TRPM3: variants seen among roughly 807,000 people sequenced by gnomAD.
TRPM3 encodes the protein transient receptor potential cation channel subfamily M member 3.
TRPM3 carries 77 observed loss-of-function variants against 181.2 expected under a neutral mutation model. The ratio of observed to expected loss-of-function variants is 0.42; its 90% CI spans 0.35 to 0.51. The LOEUF (loss-of-function observed/expected upper bound fraction) is 0.51, where lower values mean the gene tolerates loss of function less well. Among genes scored for constraint, TRPM3 ranks in the 20% least tolerant of loss-of-function variants. The pLI is 0.01. For missense variants in TRPM3, 1,759 were observed against 2,196.7 expected (o/e 0.80, Z 3.98); for synonymous variants, 745 against 796.4 (o/e 0.94, Z 1.09).
chr9:70,555,379 G>A (rs10511984), intron 22 of TRPM3, among the ~76,000 whole-genome samples: 39,102 of 152,022 alleles, frequency 0.26, 5,370 homozygotes, highest in Middle Eastern at 0.32. Context: ...CAGTTTATTC[G>A]TCTGTATTCC....
At position 70,621,287 on chromosome 9, in the gene TRPM3, C is replaced by T. The variant is rs779293618; in HGVS notation, c.1810-14G>A. The stretch of plus-strand genomic sequence containing the variant: ...CAAGGCTTTGGGCTGTTAAAAAAAA[C>T]GTTGTGAACAAAGTTAGATCAGTTA... On this transcript the variant is annotated splice_polypyrimidine_tract_variant and intron_variant, in intron 14 of 25. Coordinates refer to ENST00000677713, the MANE Select transcript of TRPM3 (RefSeq NM_001366145.2). The T allele has an allele frequency of 1.2e-5, 19 of 1,595,170 alleles. No homozygotes were observed. The highest frequency in any genetic ancestry group is 1.7e-4 in the Middle Eastern group (1 of 6,032).
At chr9:70,608,684 A>AAATT (rs140408462) in intron 19 of TRPM3, among the ~76,000 whole-genome samples, 99 of 152,120 alleles carry the variant, frequency 6.5e-4, no homozygotes, top group African/African-American at 2.2e-3. Context: ...AAAAATACAA[A>AAATT]AATTAATTAG....
intron 25 of TRPM3, among the ~76,000 whole-genome samples, chr9:70,548,914 A>G (rs915664298): frequency 5.9e-5 from 9 of 151,724 alleles, no homozygotes; most frequent in African/African-American, 9.7e-5. Context: ...GATTTTTCTT[A>G]TAGCTCTGCT....
At chr9:71,218,355 T>C (rs940423607) in intron 1 of TRPM3, among the ~76,000 whole-genome samples, 1 of 152,240 alleles carries the variant, frequency 6.6e-6, no homozygotes, top group African/African-American at 2.4e-5. Flanking sequence ...AACAATAGCA[T>C]AAAAACATAC....
chr9:71,059,237 C>G (rs1193000328), intron 1 of TRPM3, among the ~76,000 whole-genome samples: 1 of 151,790 alleles, frequency 6.6e-6, no homozygotes, highest in East Asian at 1.9e-4. Context: ...CTCGGGATTT[C>G]CCTTGTTGCC....
intron 1 of TRPM3, among the ~76,000 whole-genome samples, chr9:70,870,698 T>A (rs1353984573): frequency 1.3e-5 from 2 of 152,004 alleles, no homozygotes; most frequent in Non-Finnish European, 2.9e-5. Flanking sequence ...TTCAAAAGAC[T>A]GCTTAATTAC....
At chr9:71,076,024 A>C (rs190268149) in intron 1 of TRPM3, among the ~76,000 whole-genome samples, 2 of 152,320 alleles carry the variant, frequency 1.3e-5, no homozygotes, top group South Asian at 2.1e-4. Context: ...GATATATTTA[A>C]GATACAGTTA....
intron 21 of TRPM3, among the ~76,000 whole-genome samples, chr9:70,596,620 G>T (rs145458853): frequency 0.017 from 2,611 of 151,538 alleles, 30 homozygotes; most frequent in Non-Finnish European, 0.026. Context: ...AGTCCCAGCT[G>T]CTCGGGAGGT....
chr9:70,777,021 A>T (rs2130717343), intron 7 of TRPM3, among the ~76,000 whole-genome samples: 1 of 151,996 alleles, frequency 6.6e-6, no homozygotes, highest in East Asian at 1.9e-4. Flanking sequence ...AACCACGTTT[A>T]TTTGGATTTT....
chr9:71,049,663 C>G (rs1199221109), intron 1 of TRPM3, among the ~76,000 whole-genome samples: 1 of 152,108 alleles, frequency 6.6e-6, no homozygotes, highest in Non-Finnish European at 1.5e-5. Flanking sequence ...AAGCAATTGA[C>G]ACTTGGCCAT....
chr9:70,640,587 C>G lies in TRPM3; in HGVS notation c.1419G>C (p.Gln473His). 1.2e-6 allele frequency: 2 copies of G among 1,613,678 alleles called. No individual in the cohort carries two copies. Among genetic ancestry groups the G allele is most frequent in the Non-Finnish European group, 1.7e-6 (2 of 1,179,788 alleles). The change falls in exon 10 of 26, where the codon CAG becomes CAC. Residue 473 changes from glutamine to histidine, a missense_variant. By Grantham distance (24) the Gln-to-His change is conservative (BLOSUM62 0). Coordinates refer to ENST00000677713, the MANE Select transcript of TRPM3 (RefSeq NM_001366145.2). Reference sequence around the variant, plus strand: ...GCCACTGTTGCCCGTAAATAAAGATCTGGCTGCGAGCGATGTCGACTCTGT... The same window carrying G: ...GCCACTGTTGCCCGTAAATAAAGATGTGGCTGCGAGCGATGTCGACTCTGT... Reference protein sequence around the residue: ...AWNRVDIARSQIFIYGQQWPV... With the variant: ...AWNRVDIARSHIFIYGQQWPV...
intron 1 of TRPM3, among the ~76,000 whole-genome samples, chr9:71,233,043 G>A (rs546719921): frequency 2.0e-5 from 3 of 152,060 alleles, no homozygotes; most frequent in Admixed American, 6.6e-5. Flanking sequence ...TTCTGCTAGG[G>A]TTTGACATCT....
At chr9:71,385,859 C>T (rs1385630656) in intron 1 of TRPM3, among the ~76,000 whole-genome samples, 1 of 151,932 alleles carries the variant, frequency 6.6e-6, no homozygotes, top group Non-Finnish European at 1.5e-5. Flanking sequence ...TGTGCACCAA[C>T]ACACCTGGCT....
chr9:71,224,409 C>CCTGG (rs1378398904), intron 1 of TRPM3, among the ~76,000 whole-genome samples: 2 of 152,196 alleles, frequency 1.3e-5, no homozygotes, highest in Admixed American at 6.5e-5. Context: ...TCTTTAAATA[C>CCTGG]CTGGAAAGCC....
intron 22 of TRPM3, among the ~76,000 whole-genome samples, chr9:70,590,419 T>C (rs1474345774): frequency 1.3e-5 from 2 of 152,226 alleles, no homozygotes; most frequent in African/African-American, 2.4e-5. Context: ...TTTTGGCATT[T>C]ATAGCAAGCA....
intron 1 of TRPM3, among the ~76,000 whole-genome samples, chr9:71,233,248 TCA>T (rs1427391376): frequency 2.6e-5 from 4 of 152,190 alleles, no homozygotes; most frequent in Non-Finnish European, 5.9e-5. Context: ...AAAAGGAGAA[TCA>T]CAGATTTATG....
At chr9:71,084,524 T>C (rs967055821) in intron 1 of TRPM3, among the ~76,000 whole-genome samples, 2 of 151,908 alleles carry the variant, frequency 1.3e-5, no homozygotes, top group African/African-American at 4.8e-5. Context: ...TCATGTACAA[T>C]AGCCACACAC....
At chr9:70,754,328 C>G (rs937204938) in intron 8 of TRPM3, among the ~76,000 whole-genome samples, 2 of 152,140 alleles carry the variant, frequency 1.3e-5, no homozygotes, top group Non-Finnish European at 2.9e-5. Flanking sequence ...GACATCTGTT[C>G]CCCAATGAAT....
At position 70,535,924 on chromosome 9, in the gene TRPM3, G is replaced by C. The variant is rs764764959; in HGVS notation, c.*29C>G. ...GAGAGAATTTTAGGGCTGGATTCTT[G>C]AGCCTTCTGTGGCGGATATTAAGAA... On this transcript the variant is annotated 3_prime_UTR_variant, in exon 26 of 26. Coordinates refer to ENST00000677713, the MANE Select transcript of TRPM3 (RefSeq NM_001366145.2). 2 of 1,542,300 alleles carry C rather than the reference G, an allele frequency of 1.3e-6. No homozygotes were observed. Among genetic ancestry groups the C allele is most frequent in the Non-Finnish European group, 1.7e-6 (2 of 1,147,714 alleles).
Sources: gnomAD v4.1 joint callset for allele counts (sites outside exome capture counted in the v4.1 genomes callset) on GRCh38, gnomAD v4.1.1 for gene constraint, MANE v1.5 for transcripts, NCBI Gene and HGNC (gene_info 2026-07-23, HGNC 2026-07-21) for gene names.